CTNNA1: variants seen among roughly 807,000 people sequenced by gnomAD.
CTNNA1 encodes catenin alpha 1, also known as catenin alpha-1.
In CTNNA1, 37 loss-of-function variants were observed where a neutral mutation model predicts 98.4. The ratio of observed to expected loss-of-function variants is 0.38; its 90% CI spans 0.29 to 0.49. The LOEUF (loss-of-function observed/expected upper bound fraction) is 0.49, where lower values mean the gene tolerates loss of function less well. Ranked by LOEUF, CTNNA1 falls within the 20% of genes least tolerant of loss-of-function variation. The pLI, the probability that CTNNA1 is intolerant of heterozygous loss-of-function variation, is 0.95. For missense variants in CTNNA1, 761 were observed against 1,147.2 expected (o/e 0.66, Z 4.86); for synonymous variants, 404 against 413.2 (o/e 0.98, Z 0.27).
intron 7 of CTNNA1, among the ~76,000 whole-genome samples, chr5:138,858,325 C>G (rs1225579036): frequency 6.6e-6 from 1 of 151,948 alleles, no homozygotes; most frequent in Non-Finnish European, 1.5e-5. Flanking sequence ...CAGGGTCTTG[C>G]CATGTTGCCC....
intron 2 of CTNNA1, 56 bp downstream of exon 2, chr5:138,782,085 G>C: frequency 6.5e-7 from 1 of 1,529,098 alleles, no homozygotes; most frequent in South Asian, 1.2e-5. Context: ...ACAGGCCTGG[G>C]TAACAACCAT....
intron 3 of CTNNA1, among the ~76,000 whole-genome samples, chr5:138,801,998 C>A (rs911227426): frequency 6.6e-6 from 1 of 152,126 alleles, no homozygotes; most frequent in African/African-American, 2.4e-5. Flanking sequence ...AAAAACGACA[C>A]ATTAAAGGAA....
chr5:138,790,931 CTG>C (rs1033494168), intron 3 of CTNNA1: 19 of 152,198 alleles, frequency 1.2e-4, no homozygotes, highest in African/African-American at 3.9e-4. Context: ...ATGGCAAACA[CTG>C]TGAAAACCTC....
Position 138,827,702 on chromosome 5 carries a change from C to T in CTNNA1, c.1046C>T (p.Ser349Leu), listed in dbSNP as rs201056930. ...AVRQALQDLL[S>L]EYMGNAGRKE... is the part of the protein sequence containing the mutation. ...CGCCAGGCCCTGCAGGACCTGCTTTCGGAGTACATGGGCAATGTGAGTTTG... is the reference window on the plus strand; with the variant it reads ...CGCCAGGCCCTGCAGGACCTGCTTTTGGAGTACATGGGCAATGTGAGTTTG... The change falls in exon 7 of 18, where the codon TCG (serine) becomes TTG (leucine). Residue 349 changes from serine (S) to leucine (L), a missense_variant. Around this residue, in one of 6 missense-constraint regions of CTNNA1, gnomAD observed 287 missense variants for 436.0 expected, o/e 0.66. Transcript: ENST00000302763. 18 of 1,614,038 alleles carry T rather than the reference C, an allele frequency of 1.1e-5. No homozygotes were observed. The highest frequency in any genetic ancestry group is 6.6e-5 in the South Asian group (6 of 91,078).
intron 7 of CTNNA1, among the ~76,000 whole-genome samples, chr5:138,842,009 G>GT (rs1337373845): frequency 6.6e-6 from 1 of 152,162 alleles, no homozygotes; most frequent in Non-Finnish European, 1.5e-5. Flanking sequence ...AAAGATTAAT[G>GT]TTTTGGCTTG....
chr5:138,765,507 G>C (rs1752835435), intron 1 of CTNNA1, among the ~76,000 whole-genome samples: 1 of 152,136 alleles, frequency 6.6e-6, no homozygotes, highest in African/African-American at 2.4e-5. Context: ...AATTGCATCA[G>C]GAAAGGCTCA....
intron 7 of CTNNA1, among the ~76,000 whole-genome samples, chr5:138,830,583 G>A (rs1761182835): frequency 6.6e-6 from 1 of 152,208 alleles, no homozygotes; most frequent in Non-Finnish European, 1.5e-5. Context: ...TGATAAAAGG[G>A]TCTGGAAGAA....
At chr5:138,792,028 A>G (rs1011601804) in intron 3 of CTNNA1, among the ~76,000 whole-genome samples, 1 of 152,072 alleles carries the variant, frequency 6.6e-6, no homozygotes, top group African/African-American at 2.4e-5. Context: ...GGGCATTGTT[A>G]TAAAGAAAGG....
chr5:138,863,723 TTTAA>T (rs1764490876), intron 7 of CTNNA1, among the ~76,000 whole-genome samples: 1 of 152,028 alleles, frequency 6.6e-6, no homozygotes, highest in African/African-American at 2.4e-5. Flanking sequence ...AGAGAAAGAG[TTTAA>T]TAATCGCAAG....
At chr5:138,816,150 C>G (rs1759413491) in intron 5 of CTNNA1, among the ~76,000 whole-genome samples, 2 of 152,214 alleles carry the variant, frequency 1.3e-5, no homozygotes, top group Non-Finnish European at 2.9e-5. Flanking sequence ...ATTTATCTTC[C>G]TGTGCCTGGC....
chr5:138,885,425 A>G (rs1375964383), intron 7 of CTNNA1, among the ~76,000 whole-genome samples: 3 of 152,204 alleles, frequency 2.0e-5, no homozygotes, highest in Admixed American at 1.3e-4. Flanking sequence ...TACATGATGT[A>G]GGCATTTCCA....
chr5:138,913,945 G>A (rs1761202306), intron 10 of CTNNA1, among the ~76,000 whole-genome samples: 2 of 152,164 alleles, frequency 1.3e-5, no homozygotes, highest in African/African-American at 2.4e-5. Flanking sequence ...TGGCATCCTG[G>A]GTTTAGGCAA....
intron 7 of CTNNA1, among the ~76,000 whole-genome samples, chr5:138,865,602 G>A (rs73263471): frequency 0.013 from 1,964 of 152,276 alleles, 47 homozygotes; most frequent in African/African-American, 0.04. Context: ...TTGGTGTATA[G>A]TGTATACTAG....
intron 7 of CTNNA1, among the ~76,000 whole-genome samples, chr5:138,833,530 G>T (rs924698971): frequency 4.6e-5 from 7 of 152,038 alleles, no homozygotes; most frequent in African/African-American, 7.2e-5. Context: ...TTCACTTATG[G>T]CTACGAGAAA....
At chr5:138,863,220 C>CT (rs995007364) in intron 7 of CTNNA1, among the ~76,000 whole-genome samples, 1 of 151,422 alleles carries the variant, frequency 6.6e-6, no homozygotes, top group Non-Finnish European at 1.5e-5. Context: ...ATTGCTTCAT[C>CT]TTTTTTTATA....
chr5:138,887,316 T>C (rs1191303103), intron 8 of CTNNA1, among the ~76,000 whole-genome samples, 174 bp from the exon 9 acceptor site: 1 of 152,162 alleles, frequency 6.6e-6, no homozygotes, highest in Non-Finnish European at 1.5e-5. Context: ...TCCATGATCA[T>C]GTTTCCTGTG....
In CTNNA1 at chr5:138,925,391, C is replaced by T. The variant is rs2150295828; in HGVS notation, c.1883C>T (p.Ala628Val). The T allele has an allele frequency of 6.2e-7, 1 of 1,614,096 alleles. No individual in the cohort carries two copies. Among genetic ancestry groups the T allele is most frequent in the Non-Finnish European group, 8.5e-7 (1 of 1,180,020 alleles). Residue 628 changes from alanine to valine, a missense_variant, in exon 13 of 18, where the codon GCA (alanine) becomes GTA (valine). By Grantham distance (64) the Ala-to-Val change is moderately conservative. Around this residue, in one of 6 missense-constraint regions of CTNNA1, gnomAD observed 287 missense variants for 436.0 expected, o/e 0.66. Transcript: ENST00000302763. ...VYDGIRDIRK[A>V]VLMIRTPEEL... The stretch of plus-strand genomic sequence containing the variant: ...GATGGCATCCGGGACATCAGGAAAG[C>T]AGTGCTGATGATAAGGGTGAGTAAC...
intron 3 of CTNNA1, among the ~76,000 whole-genome samples, chr5:138,795,770 A>G (rs1756900985): frequency 6.6e-6 from 1 of 151,426 alleles, no homozygotes; most frequent in African/African-American, 2.4e-5. Context: ...TTCTTCCTCT[A>G]GTTCTACTCC....
At position 138,874,652 on chromosome 5, in the gene CTNNA1, CA is replaced by C; in HGVS notation, c.1063-11556del. 5 of 817,200 alleles carry C rather than the reference CA, an allele frequency of 6.1e-6. No individual in the cohort carries two copies. The South Asian group carries it at 9.4e-5, about 15-fold the overall frequency. The allele number at this position is 817,200 out of a possible 1,614,324, so 50.6% of individuals were successfully genotyped here. On this transcript the variant is annotated intron_variant, in intron 7 of 17. Coordinates refer to ENST00000302763, the MANE Select transcript of CTNNA1 (RefSeq NM_001903.5). The surrounding 1 kb of genome is among the most constrained non-coding windows in gnomAD (Gnocchi z 4.1). ...AAAACAACCACCACCAACATTATAG[CA>C]AAAGATTTCACTGCATATAACTTAT...
Sources: gnomAD v4.1 joint callset for allele counts (sites outside exome capture counted in the v4.1 genomes callset) on GRCh38, gnomAD v4.1.1 for gene constraint, gnomAD v4.1.1 regional missense constraint, Gnocchi (gnomAD v3.1) non-coding constraint, MANE v1.5 for transcripts, NCBI Gene and HGNC (gene_info 2026-07-23, HGNC 2026-07-21) for gene names.